Variants in GDI2 observed in about 807,000 individuals in gnomAD.
GDI2 encodes rab GDP dissociation inhibitor beta.
A neutral mutation model predicts 54.2 loss-of-function variants in GDI2; 22 were observed. That is an observed-to-expected ratio of 0.41 (90% CI 0.29 to 0.58). GDI2 has a LOEUF of 0.58. Ranked by LOEUF, GDI2 falls within the 20% of genes least tolerant of loss-of-function variation. The pLI is 0.35. For synonymous variants in GDI2, 177 were observed against 182.1 expected, an observed-to-expected ratio of 0.97 and a Z score of 0.23; for missense variants, 422 against 546.0, an observed-to-expected ratio of 0.77 and a Z score of 2.26.
At chr10:5,800,953 T>A (rs1043728307) in intron 1 of GDI2, among the ~76,000 whole-genome samples, 5 of 152,080 alleles carry the variant, frequency 3.3e-5, no homozygotes, top group East Asian at 1.9e-4. Context: ...AATTTTTTTT[T>A]TTTATTTATT....
chr10:5,776,294 C>A lies in GDI2; in HGVS notation c.720-2353G>T. 1.8e-6 allele frequency: 1 copy of A among 561,578 alleles called. No homozygotes were observed. 34.8% of individuals were successfully genotyped at this position (561,578 alleles called of 1,614,324 possible). A position where few individuals can be genotyped will look rare whatever the true frequency, so the allele number is the denominator to read the frequency against. On this transcript the variant is annotated intron_variant, in intron 6 of 10. Transcript: ENST00000380191. The surrounding 1 kb of genome is among the most constrained non-coding windows in gnomAD (Gnocchi z 5.3). The stretch of plus-strand genomic sequence containing the variant: ...GGCCCAGCGTGAAAAGACTGAAAGC[C>A]CAGCAGAACATAGGATGTAGCTGCC...
Position 5,785,087 on chromosome 10 carries a change from C to T in GDI2, c.719+55G>A, listed in dbSNP as rs1021963690. On this transcript the variant is annotated intron_variant, in intron 6 of 10. Coordinates refer to ENST00000380191, the MANE Select transcript of GDI2 (RefSeq NM_001494.4). ...TTATTTAAACTATATCTCATATACA[C>T]ATTATGTTGAAGATGAGGTTTTGGA... The T allele has an allele frequency of 5.5e-6, 7 of 1,274,814 alleles. 1 individual carries two copies. The African/African-American group carries it at 7.5e-5, about 14-fold the overall frequency. The allele number at this position is 1,274,814 out of a possible 1,614,324, so 79.0% of individuals were successfully genotyped here. A position where few individuals can be genotyped will look rare whatever the true frequency, so the allele number is the denominator to read the frequency against.
chr10:5,798,897 C>T (rs1291801426), intron 2 of GDI2, among the ~76,000 whole-genome samples: 2 of 151,916 alleles, frequency 1.3e-5, no homozygotes, highest in Non-Finnish European at 2.9e-5. Context: ...TCACTTGAAC[C>T]CAAGAGATGG....
At position 5,776,245 on chromosome 10, in the gene GDI2, C is replaced by T. The variant is rs1486547249; in HGVS notation, c.720-2304G>A. ...TGCAAAGGAATAGGAAACAGCGCCT[C>T]CTCATCCAAGACAGGTGGAAAAGGG... On this transcript the variant is annotated intron_variant, in intron 6 of 10. Transcript: ENST00000380191. This position sits in a 1 kb window ranked among gnomAD's most constrained non-coding sequence, Gnocchi z 5.3. 6.4e-6 allele frequency: 3 copies of T among 470,016 alleles called. No homozygotes were observed. The highest frequency in any genetic ancestry group is 1.2e-5 in the Non-Finnish European group (3 of 247,448). 29.1% of individuals were successfully genotyped at this position (470,016 alleles called of 1,614,324 possible).
intron 4 of GDI2, among the ~76,000 whole-genome samples, chr10:5,791,469 C>G (rs1008173950): frequency 6.6e-6 from 1 of 151,994 alleles, no homozygotes; most frequent in Non-Finnish European, 1.5e-5. Context: ...AAATTATGGC[C>G]AGGCACAGTG....
chr10:5,776,872 C>A lies in GDI2; in HGVS notation c.720-2931G>T. On this transcript the variant is annotated intron_variant, in intron 6 of 10. Coordinates refer to ENST00000380191, the MANE Select transcript of GDI2 (RefSeq NM_001494.4). This position sits in a 1 kb window ranked among gnomAD's most constrained non-coding sequence, Gnocchi z 5.3. ...ATTTATGAATAATTAAAATGGAAGG[C>A]CAGAGAAGAGGGGAGAAGAGGAAAT... The A allele has an allele frequency of 3.6e-6, 4 of 1,103,496 alleles. No homozygotes were observed. The highest frequency in any genetic ancestry group is 1.6e-5 in the African/African-American group (1 of 63,030). The allele number at this position is 1,103,496 out of a possible 1,614,324, so 68.4% of individuals were successfully genotyped here. A position where few individuals can be genotyped will look rare whatever the true frequency, so the allele number is the denominator to read the frequency against.
At chr10:5,799,884 GAAA>G (rs1263809325) in intron 2 of GDI2, among the ~76,000 whole-genome samples, 2 of 152,050 alleles carry the variant, frequency 1.3e-5, no homozygotes, top group Non-Finnish European at 2.9e-5. Flanking sequence ...AAAGAGACAT[GAAA>G]AAAATACAGC....
At chr10:5,802,802 T>C (rs574715291) in intron 1 of GDI2, among the ~76,000 whole-genome samples, 5 of 152,112 alleles carry the variant, frequency 3.3e-5, no homozygotes, top group Admixed American at 2.6e-4. Context: ...GTGAATGAAA[T>C]TACAAAATCA....
intron 4 of GDI2, among the ~76,000 whole-genome samples, chr10:5,792,364 A>G (rs1405662928): frequency 6.6e-6 from 1 of 152,232 alleles, no homozygotes; most frequent in Non-Finnish European, 1.5e-5. Flanking sequence ...TGAAGTACTT[A>G]ATACATATAT....
chr10:5,785,033 C>T (rs1199285173), intron 6 of GDI2, 109 bp downstream of exon 6: 14 of 635,356 alleles, frequency 2.2e-5, no homozygotes, highest in Middle Eastern at 5.0e-4. Context: ...TAAAAAGCAT[C>T]TTATTACTCA....
chr10:5,809,254 C>CAAAAAAAAAAAAA (rs1039669236), intron 1 of GDI2, among the ~76,000 whole-genome samples: 4 of 141,928 alleles, frequency 2.8e-5, no homozygotes, highest in Admixed American at 7.0e-5. Context: ...CAAAAAAAAA[C>CAAAAAAAAAAAAA]AAAAAAAAAA....
chr10:5,773,734 C>G (rs1366523433), intron 7 of GDI2, 108 bp downstream of exon 7: 2 of 666,836 alleles, frequency 3.0e-6, no homozygotes, highest in Non-Finnish European at 5.3e-6. Flanking sequence ...ATACTAACTT[C>G]CCATACAGAA....
intron 7 of GDI2, among the ~76,000 whole-genome samples, chr10:5,770,696 T>TG (rs1412697548): frequency 5.9e-5 from 9 of 151,794 alleles, no homozygotes; most frequent in Non-Finnish European, 1.3e-4. Context: ...CCGGGCGCAG[T>TG]GGCTGACGCC....
intron 4 of GDI2, among the ~76,000 whole-genome samples, chr10:5,791,648 G>A (rs1351790630): frequency 1.3e-5 from 2 of 151,758 alleles, no homozygotes; most frequent in Admixed American, 6.6e-5. Context: ...TCGGGAGGCT[G>A]AGACAGGAGA....
At chr10:5,779,675 G>GA (rs200100514) in intron 6 of GDI2, among the ~76,000 whole-genome samples, 15 of 143,800 alleles carry the variant, frequency 1.0e-4, no homozygotes, top group African/African-American at 2.8e-4. Flanking sequence ...CAGAGAGGGG[G>GA]AAAAAAAAAA....
intron 1 of GDI2, among the ~76,000 whole-genome samples, chr10:5,812,586 T>C (rs1841499263): frequency 6.6e-6 from 1 of 152,108 alleles, no homozygotes; most frequent in Non-Finnish European, 1.5e-5. Flanking sequence ...GCTCAGTAAG[T>C]GAGAAGGGAG....
intron 7 of GDI2, among the ~76,000 whole-genome samples, chr10:5,772,043 C>T (rs535253521): frequency 2.2e-4 from 33 of 151,982 alleles, no homozygotes; most frequent in Admixed American, 7.2e-4. Context: ...TAACCAAGAT[C>T]GTGCCACTGC....
rs186211808 is a variant in GDI2, at chr10:5,774,823, C to T, written c.720-882G>A. Reference sequence around the variant, plus strand: ...TCCTTGTGTGTGTGTTCTAAAATGGCCTTGTGCAGTCGCGGGACTATCCAC... The same window carrying T: ...TCCTTGTGTGTGTGTTCTAAAATGGTCTTGTGCAGTCGCGGGACTATCCAC... On this transcript the variant is annotated intron_variant, in intron 6 of 10. Transcript: ENST00000380191. This position sits in a 1 kb window ranked among gnomAD's most constrained non-coding sequence, Gnocchi z 4.8. Among the ~76,000 whole-genome samples, 1 of 152,136 alleles carries T rather than the reference C, an allele frequency of 6.6e-6. No homozygotes were observed. Among genetic ancestry groups the T allele is most frequent in the Non-Finnish European group, 1.5e-5 (1 of 68,038 alleles).
chr10:5,776,695 G>A lies in GDI2; in HGVS notation c.720-2754C>T, dbSNP rs543921930. The A allele has an allele frequency of 1.5e-4, 217 of 1,459,158 alleles. No homozygotes were observed. In the South Asian group the frequency reaches 2.3e-3, roughly 16 times the overall value. The allele number at this position is 1,459,158 out of a possible 1,614,324, so 90.4% of individuals were successfully genotyped here. A position where few individuals can be genotyped will look rare whatever the true frequency, so the allele number is the denominator to read the frequency against. ...AAAAGTCAGAGTTATGGAGCTTGCC[G>A]CCACATTCAGAAACTGCTACAGCCT... On this transcript the variant is annotated intron_variant, in intron 6 of 10. Coordinates refer to ENST00000380191, the MANE Select transcript of GDI2 (RefSeq NM_001494.4). The surrounding 1 kb of genome is among the most constrained non-coding windows in gnomAD (Gnocchi z 5.3).
Sources: allele counts gnomAD v4.1 joint callset (sites outside exome capture counted in the v4.1 genomes callset), GRCh38; gene constraint gnomAD v4.1.1; non-coding constraint Gnocchi (gnomAD v3.1); transcripts MANE v1.5; gene names NCBI Gene and HGNC (gene_info 2026-07-23, HGNC 2026-07-21).